Variants in TAF4B observed in about 807,000 individuals in gnomAD.
The protein encoded by TAF4B is transcription initiation factor TFIID subunit 4B.
A neutral mutation model predicts 86.4 loss-of-function variants in TAF4B; 38 were observed. The ratio of observed to expected loss-of-function variants is 0.44; its 90% CI spans 0.34 to 0.58. The LOEUF (loss-of-function observed/expected upper bound fraction) is 0.58, where lower values mean the gene tolerates loss of function less well. Ranked by LOEUF, TAF4B falls within the 20% of genes least tolerant of loss-of-function variation. The pLI is 0.02. For synonymous variants in TAF4B, 388 were observed against 391.2 expected (o/e 0.99, Z 0.10); for missense variants, 988 against 1,027.6 (o/e 0.96, Z 0.53).
At chr18:26,378,271 C>G (rs2057456232) in intron 14 of TAF4B, among the ~76,000 whole-genome samples, 1 of 152,178 alleles carries the variant, frequency 6.6e-6, no homozygotes, top group Non-Finnish European at 1.5e-5. Context: ...TTGAGAAACA[C>G]TGATACATAA....
intron 13 of TAF4B, among the ~76,000 whole-genome samples, chr18:26,346,753 ATGTGTG>A (rs368634912): frequency 1.6e-4 from 6 of 38,142 alleles, no homozygotes; most frequent in Admixed American, 2.5e-4. Context: ...ATATATATAT[ATGTGTG>A]TATATATATA....
At chr18:26,322,273 A>AT (rs1427129054) in intron 11 of TAF4B, among the ~76,000 whole-genome samples, 4 of 151,186 alleles carry the variant, frequency 2.6e-5, no homozygotes, top group East Asian at 1.9e-4. Flanking sequence ...ATATTATTTT[A>AT]TTTTTTTTTC....
chr18:26,321,165 A>G lies in TAF4B; in HGVS notation c.2098A>G (p.Thr700Ala). The G allele has an allele frequency of 1.2e-6, 2 of 1,613,874 alleles. No homozygotes were observed. The part of the protein sequence containing the change: ...ERLRGLLEKL[T>A]AIAQHRMTTY... ...ACTACGAGGCCTTCTAGAAAAACTG[A>G]CTGCAATTGCTCAGCATCGAATGAC... The change falls in exon 11 of 15, where the codon ACT (threonine) becomes GCT (alanine). Residue 700 changes from threonine (T) to alanine (A), a missense_variant. Thr to Ala is a moderately conservative substitution (Grantham distance 58, BLOSUM62 0). This residue lies in a region of TAF4B where 216 missense variants were observed against 238.4 expected (regional missense o/e 0.91). Transcript: ENST00000269142.
intron 1 of TAF4B, among the ~76,000 whole-genome samples, chr18:26,238,699 C>T (rs1019795325): frequency 3.9e-5 from 6 of 152,022 alleles, no homozygotes; most frequent in African/African-American, 1.4e-4. Flanking sequence ...ATTAACTCAT[C>T]ATTTACATTA....
At chr18:26,308,589 T>G (rs2056820874) in intron 9 of TAF4B, among the ~76,000 whole-genome samples, 1 of 152,054 alleles carries the variant, frequency 6.6e-6, no homozygotes, top group African/African-American at 2.4e-5. Context: ...GAAATTAAAT[T>G]AGGCCAGGCG....
At chr18:26,335,354 A>ACAC (rs2057082527) in intron 13 of TAF4B, 123 bp downstream of exon 13, 1 of 794,406 alleles carries the variant, frequency 1.3e-6, no homozygotes, top group Non-Finnish European at 2.1e-6. Flanking sequence ...TTGGGGAAGG[A>ACAC]CAGGAACTGC....
chr18:26,390,795 A>G lies in TAF4B; in HGVS notation c.*783A>G, dbSNP rs1289031067. 2.0e-5 allele frequency: 3 copies of G among 152,234 alleles called. No individual in the cohort carries two copies. Among genetic ancestry groups the G allele is most frequent in the Non-Finnish European group, 4.4e-5 (3 of 68,044 alleles). 9.4% of individuals were successfully genotyped at this position (152,234 alleles called of 1,614,324 possible). On this transcript the variant is annotated 3_prime_UTR_variant, in exon 15 of 15. Coordinates refer to ENST00000269142, the MANE Select transcript of TAF4B (RefSeq NM_005640.3). ...TCATAAAACAGGAAATGTGCTTCAT[A>G]TGCCCAAGAGGGGAAGAGGTGGAAT...
intron 1 of TAF4B, among the ~76,000 whole-genome samples, chr18:26,245,890 G>C (rs1322864087): frequency 1.3e-5 from 2 of 152,158 alleles, no homozygotes; most frequent in Non-Finnish European, 2.9e-5. Flanking sequence ...CCTATTCGCA[G>C]GCGTTGATAC....
At chr18:26,279,917 G>T (rs1053886558) in intron 5 of TAF4B, among the ~76,000 whole-genome samples, 2 of 151,992 alleles carry the variant, frequency 1.3e-5, no homozygotes, top group Admixed American at 1.3e-4. Context: ...GGTGGCATAT[G>T]CCTGTAGTCC....
chr18:26,366,673 TAGA>T (rs974284982), intron 14 of TAF4B, among the ~76,000 whole-genome samples: 5 of 152,212 alleles, frequency 3.3e-5, no homozygotes, highest in Non-Finnish European at 7.4e-5. Context: ...AAGGAAACAA[TAGA>T]AGAATATTTA....
At chr18:26,365,904 C>T (rs955745538) in intron 14 of TAF4B, among the ~76,000 whole-genome samples, 2 of 152,180 alleles carry the variant, frequency 1.3e-5, no homozygotes, top group African/African-American at 4.8e-5. Context: ...ATCCTTCCGC[C>T]TCAGCCTCCT....
chr18:26,268,819 GTTTTA>G (rs546720842), intron 3 of TAF4B, among the ~76,000 whole-genome samples: 202 of 151,986 alleles, frequency 1.3e-3, no homozygotes, highest in Admixed American at 4.3e-3. Flanking sequence ...ATTTTGTTTT[GTTTTA>G]TTTTATTTTA....
At chr18:26,344,162 A>C (rs2057157699) in intron 13 of TAF4B, among the ~76,000 whole-genome samples, 1 of 152,214 alleles carries the variant, frequency 6.6e-6, no homozygotes, top group Non-Finnish European at 1.5e-5. Context: ...AATGAGCTGA[A>C]TAGCGGATAG....
intron 10 of TAF4B, among the ~76,000 whole-genome samples, chr18:26,315,873 G>A (rs35614679): frequency 0.22 from 33,329 of 152,032 alleles, 4,331 homozygotes; most frequent in Non-Finnish European, 0.3. Context: ...CTAGGCCCAG[G>A]AGTAGTTGTT....
intron 13 of TAF4B, chr18:26,348,393 G>A (rs540924033): frequency 2.2e-4 from 34 of 152,716 alleles, no homozygotes; most frequent in African/African-American, 8.2e-4. Context: ...TAGAATGAAT[G>A]TGACAAGGTC....
At chr18:26,239,160 G>A (rs1445948615) in intron 1 of TAF4B, among the ~76,000 whole-genome samples, 1 of 152,192 alleles carries the variant, frequency 6.6e-6, no homozygotes, top group Non-Finnish European at 1.5e-5. Flanking sequence ...TTGAGGAATT[G>A]CCACACTGTC....
chr18:26,289,177 C>A (rs1267869568), intron 7 of TAF4B, among the ~76,000 whole-genome samples: 1 of 152,044 alleles, frequency 6.6e-6, no homozygotes, highest in Non-Finnish European at 1.5e-5. Context: ...TAATATTACT[C>A]GTTTGAAAGT....
intron 1 of TAF4B, among the ~76,000 whole-genome samples, chr18:26,245,457 T>G (rs1314669229): frequency 6.6e-6 from 1 of 152,168 alleles, no homozygotes; most frequent in African/African-American, 2.4e-5. Context: ...TTGCTGCTGC[T>G]GGCTGGGGTG....
chr18:26,374,095 T>G (rs2057425930), intron 14 of TAF4B, among the ~76,000 whole-genome samples: 1 of 152,214 alleles, frequency 6.6e-6, no homozygotes, highest in Admixed American at 6.5e-5. Context: ...CCTCAAGTAT[T>G]TCTAGTGTTA....
Sources: allele counts gnomAD v4.1 joint callset (sites outside exome capture counted in the v4.1 genomes callset), GRCh38; gene constraint gnomAD v4.1.1; regional missense constraint gnomAD v4.1.1; transcripts MANE v1.5; gene names NCBI Gene and HGNC (gene_info 2026-07-23, HGNC 2026-07-21).